ZNF618: variants seen among roughly 807,000 people sequenced by gnomAD.
ZNF618 encodes the protein zinc finger protein 618.
ZNF618 carries 34 observed loss-of-function variants against 103.0 expected under a neutral mutation model. That is an observed-to-expected ratio of 0.33 (90% confidence interval 0.25 to 0.44). ZNF618 has a LOEUF of 0.44. Ranked by LOEUF, ZNF618 falls within the 20% of genes least tolerant of loss-of-function variation. The pLI, the probability that ZNF618 is intolerant of heterozygous loss-of-function variation, is 1.00. For synonymous variants in ZNF618, 551 were observed against 542.2 expected, an observed-to-expected ratio of 1.02 and a Z score of -0.23; for missense variants, 1,059 against 1,295.4, an observed-to-expected ratio of 0.82 and a Z score of 2.80.
chr9:114,021,023 A>G (rs1272854271), intron 10 of ZNF618, among the ~76,000 whole-genome samples: 3 of 151,886 alleles, frequency 2.0e-5, no homozygotes, highest in Non-Finnish European at 2.9e-5. Flanking sequence ...TTTTTCCTCC[A>G]TCTTTTGAGG....
At chr9:113,925,409 G>A (rs1832997717) in intron 1 of ZNF618, among the ~76,000 whole-genome samples, 1 of 145,388 alleles carries the variant, frequency 6.9e-6, no homozygotes, top group South Asian at 2.2e-4. Flanking sequence ...TATTTAAAGT[G>A]AGTTTCTTAT....
At chr9:113,973,599 G>A (rs376575300) in intron 2 of ZNF618, among the ~76,000 whole-genome samples, 19 of 152,138 alleles carry the variant, frequency 1.2e-4, no homozygotes, top group South Asian at 4.1e-4. Context: ...GGTTAATGTC[G>A]ATCTGGTGTG....
At chr9:113,884,704 C>T (rs181611247) in intron 1 of ZNF618, among the ~76,000 whole-genome samples, 1,570 of 150,680 alleles carry the variant, frequency 0.01, 39 homozygotes, top group African/African-American at 0.036. Flanking sequence ...CCTTCCTTAT[C>T]GACACACACA....
At chr9:113,897,384 C>T (rs1830122194) in intron 1 of ZNF618, among the ~76,000 whole-genome samples, 1 of 152,144 alleles carries the variant, frequency 6.6e-6, no homozygotes, top group South Asian at 2.1e-4. Context: ...TGCTTTTGTG[C>T]TTAATTCTGT....
rs1288878427 is a variant in ZNF618, at chr9:114,056,232, C to G, written c.*6065C>G. The G allele has an allele frequency of 6.6e-6, 1 of 152,064 alleles. No individual in the cohort carries two copies. The highest frequency in any genetic ancestry group is 1.5e-5 in the Non-Finnish European group (1 of 68,020). The allele number at this position is 152,064 out of a possible 1,614,324, so 9.4% of individuals were successfully genotyped here. On this transcript the variant is annotated 3_prime_UTR_variant, in exon 15 of 15. Coordinates refer to ENST00000374126, the MANE Select transcript of ZNF618 (RefSeq NM_001318042.2). ...TCTCCATTTACAGCCAAATCAGTTTCATGATGTTCAAAACATTTACTGATG... is the reference window on the plus strand; with the variant it reads ...TCTCCATTTACAGCCAAATCAGTTTGATGATGTTCAAAACATTTACTGATG...
At chr9:113,924,844 C>G (rs1208427249) in intron 1 of ZNF618, among the ~76,000 whole-genome samples, 1 of 151,830 alleles carries the variant, frequency 6.6e-6, no homozygotes, top group African/African-American at 2.4e-5. Flanking sequence ...GGCAGTCTTT[C>G]TCTTATTGAT....
At chr9:114,006,523 C>G (rs79084494) in intron 6 of ZNF618, among the ~76,000 whole-genome samples, 1 of 152,320 alleles carries the variant, frequency 6.6e-6, no homozygotes, top group African/African-American at 2.4e-5. Flanking sequence ...GCCTCAGCCT[C>G]AGATGTTGGG....
chr9:114,007,232 C>A, intron 6 of ZNF618, 118 bp from the exon 7 acceptor site: 1 of 777,850 alleles, frequency 1.3e-6, no homozygotes, highest in Non-Finnish European at 2.1e-6. Flanking sequence ...TGCTTCCTCC[C>A]TCCGCTAGCC....
intron 4 of ZNF618, among the ~76,000 whole-genome samples, chr9:114,001,179 C>A (rs1049715373): frequency 1.3e-5 from 2 of 152,148 alleles, no homozygotes; most frequent in African/African-American, 4.8e-5. Flanking sequence ...GCTCTGACCT[C>A]TACATGGGCA....
At chr9:114,013,399 C>G (rs191952466) in intron 9 of ZNF618, among the ~76,000 whole-genome samples, 2 of 152,270 alleles carry the variant, frequency 1.3e-5, no homozygotes, top group African/African-American at 4.8e-5. Context: ...GCAGATTATT[C>G]TAAAATATTA....
intron 7 of ZNF618, 108 bp from the exon 8 acceptor site, chr9:114,008,236 A>G (rs1841924912): frequency 1.3e-6 from 2 of 1,489,848 alleles, no homozygotes; most frequent in Non-Finnish European, 9.1e-7. Context: ...AGGCAAACCC[A>G]TGGGGATAGG....
chr9:114,036,514 G>T, intron 13 of ZNF618, 137 bp downstream of exon 13: 1 of 896,768 alleles, frequency 1.1e-6, no homozygotes, highest in Non-Finnish European at 1.7e-6. Flanking sequence ...GAACCTGCTT[G>T]CAGGGAGCCC....
rs374986136 is a variant in ZNF618, at chr9:113,936,621, C to T, written c.34-32496C>T. Among the ~76,000 whole-genome samples the T allele has an allele frequency of 2.8e-4, 43 of 152,262 alleles. 1 individual carries two copies. In the South Asian group the frequency reaches 8.3e-3, roughly 29 times the overall value. ...CCCTCTGAAGCTCGTCTGTGTACTA[C>T]AGTAAGAATAGTACCATCACTGGGT... is the stretch of plus-strand genomic sequence containing the variant. On this transcript the variant is annotated intron_variant, in intron 1 of 14. Coordinates refer to ENST00000374126, the MANE Select transcript of ZNF618 (RefSeq NM_001318042.2).
chr9:114,025,122 G>A (rs1029654214), intron 10 of ZNF618, among the ~76,000 whole-genome samples: 15 of 152,264 alleles, frequency 9.9e-5, no homozygotes, highest in Admixed American at 3.9e-4. Flanking sequence ...CAGTTACTCC[G>A]TCATGGCCAG....
intron 1 of ZNF618, among the ~76,000 whole-genome samples, chr9:113,959,014 C>T (rs145515310): frequency 2.7e-3 from 417 of 152,324 alleles, no homozygotes; most frequent in East Asian, 0.013. Context: ...TTAGGCCGGG[C>T]GCGGTGGCTC....
At chr9:114,031,800 C>T (rs1200850176) in intron 11 of ZNF618, among the ~76,000 whole-genome samples, 2 of 151,800 alleles carry the variant, frequency 1.3e-5, no homozygotes, top group Admixed American at 6.6e-5. Context: ...GACTGGTTCC[C>T]TGAGGTCTTT....
chr9:113,946,436 T>C, intron 1 of ZNF618, among the ~76,000 whole-genome samples: 1 of 148,794 alleles, frequency 6.7e-6, no homozygotes, highest in Non-Finnish European at 1.5e-5. Flanking sequence ...AATTTATTGG[T>C]GACAAGTCTA....
At chr9:113,931,275 C>T (rs543291738) in intron 1 of ZNF618, among the ~76,000 whole-genome samples, 1 of 152,326 alleles carries the variant, frequency 6.6e-6, no homozygotes, top group East Asian at 1.9e-4. Context: ...GGTCCCTGCC[C>T]TGAGCACACT....
chr9:114,045,006 A>G (rs1487372708), intron 13 of ZNF618, among the ~76,000 whole-genome samples: 3 of 152,066 alleles, frequency 2.0e-5, no homozygotes, highest in Non-Finnish European at 4.4e-5. Flanking sequence ...TTCTAGGTAT[A>G]TAATCATATC....
Sources: allele counts gnomAD v4.1 joint callset (sites outside exome capture counted in the v4.1 genomes callset), GRCh38; gene constraint gnomAD v4.1.1; transcripts MANE v1.5; gene names NCBI Gene and HGNC (gene_info 2026-07-23, HGNC 2026-07-21).